The following VMP1 variants were observed in gnomAD, a reference collection of about 807,000 sequenced individuals.
VMP1 encodes the protein vacuole membrane protein 1.
VMP1 carries 11 observed loss-of-function variants against 56.0 expected under a neutral mutation model. That is an observed-to-expected ratio of 0.20 (90% CI 0.12 to 0.32). The LOEUF is 0.32. VMP1 is among the 10% of genes least tolerant of loss of function. The pLI, the probability that VMP1 is intolerant of heterozygous loss-of-function variation, is 1.00. For missense variants in VMP1, 296 were observed against 490.3 expected (o/e 0.60, Z 3.74); for synonymous variants, 149 against 165.0 (o/e 0.90, Z 0.74).
intron 10 of VMP1, among the ~76,000 whole-genome samples, chr17:59,820,069 A>C (rs1444695015): frequency 1.3e-5 from 2 of 152,206 alleles, no homozygotes; most frequent in African/African-American, 2.4e-5. Context: ...ATCTGAGCAT[A>C]TCATCACCAC....
At chr17:59,764,878 T>C in intron 5 of VMP1, 93 bp from the exon 6 acceptor site, 1 of 964,156 alleles carries the variant, frequency 1.0e-6, no homozygotes, top group Non-Finnish European at 1.4e-6. Context: ...AGCTAAGATT[T>C]TTCTTACACA....
intron 5 of VMP1, among the ~76,000 whole-genome samples, chr17:59,742,710 G>A (rs1224805587): frequency 6.6e-6 from 1 of 152,070 alleles, no homozygotes; most frequent in Non-Finnish European, 1.5e-5. Flanking sequence ...TAGGTGAGCA[G>A]TGGGCTGGCA....
intron 7 of VMP1, among the ~76,000 whole-genome samples, chr17:59,782,628 A>G (rs2036863545): frequency 6.6e-6 from 1 of 152,222 alleles, no homozygotes; most frequent in Non-Finnish European, 1.5e-5. Context: ...TAAAACCTCC[A>G]ATTTGATAGA....
At chr17:59,809,878 C>T (rs2037995864) in intron 8 of VMP1, among the ~76,000 whole-genome samples, 1 of 152,008 alleles carries the variant, frequency 6.6e-6, no homozygotes, top group South Asian at 2.1e-4. Context: ...TTAAGTATTT[C>T]ATCATGTAGT....
At chr17:59,808,348 C>T (rs7212590) in intron 7 of VMP1, among the ~76,000 whole-genome samples, 22,297 of 152,216 alleles carry the variant, frequency 0.15, 2,127 homozygotes, top group African/African-American at 0.26. Context: ...TCTTTTGCTT[C>T]TGGGATAATG....
intron 5 of VMP1, among the ~76,000 whole-genome samples, chr17:59,750,302 AT>A (rs201862660): frequency 2.1e-3 from 294 of 143,014 alleles, no homozygotes; most frequent in Admixed American, 2.3e-3. Flanking sequence ...ACAATGAATA[AT>A]TTTTTTTTTT....
chr17:59,834,463 T>C (rs1019778146), intron 10 of VMP1, among the ~76,000 whole-genome samples: 2 of 152,000 alleles, frequency 1.3e-5, no homozygotes, highest in African/African-American at 4.8e-5. Context: ...TTTGTTTTTT[T>C]GGTTTTTTTA....
chr17:59,723,012 G>A (rs2034459249), intron 1 of VMP1, among the ~76,000 whole-genome samples: 1 of 152,146 alleles, frequency 6.6e-6, no homozygotes. Context: ...TTTGGAGGGT[G>A]GGGTTGTCTT....
chr17:59,800,938 G>A (rs2037618414), intron 7 of VMP1, among the ~76,000 whole-genome samples: 1 of 151,888 alleles, frequency 6.6e-6, no homozygotes, highest in African/African-American at 2.4e-5. Context: ...AAATTATCTG[G>A]GCCTGGTAGC....
intron 9 of VMP1, among the ~76,000 whole-genome samples, chr17:59,815,558 A>G (rs1167608833): frequency 6.8e-6 from 1 of 146,294 alleles, no homozygotes; most frequent in Non-Finnish European, 1.5e-5. Context: ...ATCTGTCTTA[A>G]GATTCTTCTT....
chr17:59,808,253 C>T (rs2037919149), intron 7 of VMP1, among the ~76,000 whole-genome samples: 1 of 152,172 alleles, frequency 6.6e-6, no homozygotes. Context: ...ATCCACTATA[C>T]CTACATACCA....
At position 59,762,293 on chromosome 17, in the gene VMP1, A is replaced by G. The variant is rs190995912; in HGVS notation, c.415-2678A>G. 5.7e-3 allele frequency among the ~76,000 whole-genome samples: 865 copies of G among 152,258 alleles called. 5 individuals are homozygous for G. Among genetic ancestry groups the G allele is most frequent in the Admixed American group, 0.012 (185 of 15,284 alleles). Reference sequence around the variant, plus strand: ...TTATATCCTGTGGCAGGTTTTATCCAGTTAGGCTTTTCAATTAATACTATA... The same window carrying G: ...TTATATCCTGTGGCAGGTTTTATCCGGTTAGGCTTTTCAATTAATACTATA... On this transcript the variant is annotated intron_variant, in intron 5 of 11. Coordinates refer to ENST00000262291, the MANE Select transcript of VMP1 (RefSeq NM_030938.5).
chr17:59,792,800 G>T (rs1311974326), intron 7 of VMP1, among the ~76,000 whole-genome samples: 1 of 150,706 alleles, frequency 6.6e-6, no homozygotes, highest in Non-Finnish European at 1.5e-5. Flanking sequence ...AGTGAGCCGA[G>T]ATCACGCCAT....
intron 9 of VMP1, among the ~76,000 whole-genome samples, chr17:59,816,974 G>T (rs1401442282): frequency 9.5e-6 from 1 of 105,402 alleles, no homozygotes. Flanking sequence ...AAGAAAGAAA[G>T]AAAAAAAAAA....
At chr17:59,714,411 CT>C (rs1482671503) in intron 1 of VMP1, among the ~76,000 whole-genome samples, 1 of 152,002 alleles carries the variant, frequency 6.6e-6, no homozygotes, top group African/African-American at 2.4e-5. Context: ...TCTTAAAGGC[CT>C]TGTCTCACTC....
rs114709003 is a variant in VMP1, at chr17:59,750,901, C to T, written c.414+11954C>T. ...ATTAGGTGCAAAGAAGCTTCTGGGG[C>T]TGGCAGATTTTTCCAAGATAGCACC... On this transcript the variant is annotated intron_variant, in intron 5 of 11. Coordinates refer to ENST00000262291, the MANE Select transcript of VMP1 (RefSeq NM_030938.5). Among the ~76,000 whole-genome samples the T allele has an allele frequency of 7.6e-5, 11 of 145,212 alleles. No homozygotes were observed. The South Asian group carries it at 2.5e-3, about 33-fold the overall frequency.
rs576940003 is a variant in VMP1, at chr17:59,793,438, G to A, written c.715-15358G>A. Among the ~76,000 whole-genome samples the A allele has an allele frequency of 3.4e-5, 4 of 117,064 alleles. 1 individual carries two copies. The highest frequency in any genetic ancestry group is 2.7e-4 in the Admixed American group (3 of 11,294). 76.8% of individuals were successfully genotyped at this position (117,064 alleles called of 152,430 possible). ...ATATCCGTTTACTTATTTCTATGCAGTAATAAATCTTGCATACTCAGATAT... is the reference window on the plus strand; with the variant it reads ...ATATCCGTTTACTTATTTCTATGCAATAATAAATCTTGCATACTCAGATAT... On this transcript the variant is annotated intron_variant, in intron 7 of 11. Transcript: ENST00000262291.
chr17:59,781,855 A>G (rs2036835155), intron 7 of VMP1, among the ~76,000 whole-genome samples: 1 of 152,126 alleles, frequency 6.6e-6, no homozygotes, highest in Non-Finnish European at 1.5e-5. Flanking sequence ...ATATGCTGCC[A>G]GTATTATTCC....
At chr17:59,718,183 C>CTT in intron 1 of VMP1, among the ~76,000 whole-genome samples, 1 of 134,034 alleles carries the variant, frequency 7.5e-6, no homozygotes, top group Non-Finnish European at 1.6e-5. Context: ...TTCCCTCCCT[C>CTT]CTTTTTTTTT....
Sources: allele counts gnomAD v4.1 joint callset (sites outside exome capture counted in the v4.1 genomes callset), GRCh38; gene constraint gnomAD v4.1.1; transcripts MANE v1.5; gene names NCBI Gene and HGNC (gene_info 2026-07-23, HGNC 2026-07-21).